The following TWIST2 variants were observed in gnomAD, a reference collection of about 807,000 sequenced individuals.
TWIST2 encodes the protein twist-related protein 2.
TWIST2 carries 1 observed loss-of-function variant against 11.6 expected under a neutral mutation model. The observed-to-expected ratio is 0.09, with a 90% CI of 0.03 to 0.41. TWIST2 has a LOEUF of 0.41. Ranked by LOEUF, TWIST2 falls within the 10% of genes least tolerant of loss-of-function variation. The pLI, the probability that TWIST2 is intolerant of heterozygous loss-of-function variation, is 0.98. For synonymous variants in TWIST2, 87 were observed against 96.6 expected, an observed-to-expected ratio of 0.90 and a Z score of 0.58; for missense variants, 168 against 226.4, an observed-to-expected ratio of 0.74 and a Z score of 1.66.
chr2:238,902,483 T>A (rs1693280445), intron 1 of TWIST2, among the ~76,000 whole-genome samples: 1 of 151,226 alleles, frequency 6.6e-6, no homozygotes, highest in Non-Finnish European at 1.5e-5. Context: ...GAGGTGTGTG[T>A]GTGATGTGGA....
chr2:238,872,440 A>C (rs1420248075), intron 1 of TWIST2, among the ~76,000 whole-genome samples: 1 of 152,172 alleles, frequency 6.6e-6, no homozygotes, highest in East Asian at 1.9e-4. Flanking sequence ...AGAAGGTTGA[A>C]TCCAAACCCT....
At chr2:238,850,269 C>G (rs1370183328) in intron 1 of TWIST2, among the ~76,000 whole-genome samples, 1 of 152,198 alleles carries the variant, frequency 6.6e-6, no homozygotes, top group Non-Finnish European at 1.5e-5. Flanking sequence ...GAAAGTGTCT[C>G]AATCACATAT....
chr2:238,899,735 CGACTT>C (rs1693245979), intron 1 of TWIST2, among the ~76,000 whole-genome samples: 1 of 152,160 alleles, frequency 6.6e-6, no homozygotes, highest in African/African-American at 2.4e-5. Context: ...TTTAAATACC[CGACTT>C]GACTTGATTT....
intron 1 of TWIST2, among the ~76,000 whole-genome samples, chr2:238,855,733 A>G (rs1288725365): frequency 6.6e-6 from 1 of 152,160 alleles, no homozygotes; most frequent in Non-Finnish European, 1.5e-5. Flanking sequence ...GAAGCCCACC[A>G]TCAGGTCCCG....
At chr2:238,855,614 TG>T (rs1229499801) in intron 1 of TWIST2, among the ~76,000 whole-genome samples, 4 of 152,196 alleles carry the variant, frequency 2.6e-5, no homozygotes, top group African/African-American at 4.8e-5. Flanking sequence ...CCCCCAAACC[TG>T]CATATACTCT....
At chr2:238,908,702 GTGTT>G (rs1465960328) in intron 1 of TWIST2, among the ~76,000 whole-genome samples, 2 of 139,052 alleles carry the variant, frequency 1.4e-5, no homozygotes, top group South Asian at 2.4e-4. Flanking sequence ...AGTATGCAGT[GTGTT>G]TGTGCTGTGC....
At chr2:238,862,927 G>A (rs544437849) in intron 1 of TWIST2, among the ~76,000 whole-genome samples, 1 of 152,254 alleles carries the variant, frequency 6.6e-6, no homozygotes. Flanking sequence ...ATCTCAGGTT[G>A]GAAGATCAAA....
chr2:238,905,890 CAT>C (rs1693336997), intron 1 of TWIST2, among the ~76,000 whole-genome samples: 38 of 119,694 alleles, frequency 3.2e-4, no homozygotes, highest in African/African-American at 1.1e-3. Context: ...CATGTGCGCG[CAT>C]GCGCGTGTGT....
intron 1 of TWIST2, among the ~76,000 whole-genome samples, chr2:238,898,797 C>A (rs959921961): frequency 6.6e-6 from 1 of 152,212 alleles, no homozygotes; most frequent in Non-Finnish European, 1.5e-5. Flanking sequence ...GGGGAGGCCC[C>A]GGGAGAAGTT....
intron 1 of TWIST2, among the ~76,000 whole-genome samples, chr2:238,882,372 G>A (rs755270044): frequency 1.3e-5 from 2 of 152,162 alleles, no homozygotes; most frequent in African/African-American, 2.4e-5. Flanking sequence ...CATTCAATAG[G>A]GTGGTGGCTG....
chr2:238,894,200 C>T (rs1693180565), intron 1 of TWIST2, among the ~76,000 whole-genome samples: 1 of 152,220 alleles, frequency 6.6e-6, no homozygotes, highest in Non-Finnish European at 1.5e-5. Context: ...CTGAAGCCCC[C>T]ACCCTCTTCC....
intron 1 of TWIST2, among the ~76,000 whole-genome samples, chr2:238,881,899 C>T (rs1692942979): frequency 6.6e-6 from 1 of 152,200 alleles, no homozygotes; most frequent in Admixed American, 6.5e-5. Flanking sequence ...GTTTTCCATC[C>T]ATGAGAGCCC....
chr2:238,882,441 G>A (rs570604901), intron 1 of TWIST2, among the ~76,000 whole-genome samples: 11 of 152,310 alleles, frequency 7.2e-5, no homozygotes, highest in African/African-American at 2.4e-4. Context: ...AAATGCAAAC[G>A]CCTTGTGTCC....
chr2:238,866,316 T>TAAG lies in TWIST2; in HGVS notation c.*35+17586_*35+17588dup, dbSNP rs1428895444. On this transcript the variant is annotated intron_variant, in intron 1 of 1. Coordinates refer to ENST00000612363, the MANE Select transcript of TWIST2 (RefSeq NM_001271893.4). The surrounding 1 kb of genome is among the most constrained non-coding windows in gnomAD (Gnocchi z 4.9). ...ACCCAGCACTTGGAGCAGTTGCCAGTAAGAACAGGGGTGAGGAGATGAGCA... is the reference window on the plus strand; with the variant it reads ...ACCCAGCACTTGGAGCAGTTGCCAGTAAGAAGAACAGGGGTGAGGAGATGAGCA... Among the ~76,000 whole-genome samples, 6 of 152,322 alleles carry TAAG rather than the reference T, an allele frequency of 3.9e-5. No homozygotes were observed. The highest frequency in any genetic ancestry group is 4.8e-5 in the African/African-American group (2 of 41,576).
At chr2:238,859,788 C>A (rs1486811985) in intron 1 of TWIST2, among the ~76,000 whole-genome samples, 3 of 152,100 alleles carry the variant, frequency 2.0e-5, no homozygotes, top group African/African-American at 7.2e-5. Flanking sequence ...TTTATTCACA[C>A]ACACACATGC....
chr2:238,855,005 A>G (rs577107716), intron 1 of TWIST2, among the ~76,000 whole-genome samples: 1 of 152,274 alleles, frequency 6.6e-6, no homozygotes, highest in Admixed American at 6.5e-5. Flanking sequence ...CGGAGTGGCA[A>G]GCTGGCTGCC....
chr2:238,899,039 G>T (rs961975567), intron 1 of TWIST2, among the ~76,000 whole-genome samples: 2 of 152,244 alleles, frequency 1.3e-5, no homozygotes, highest in Non-Finnish European at 2.9e-5. Context: ...GCTGCCCTCC[G>T]GCGTCTGACC....
At chr2:238,879,931 G>A (rs994800498) in intron 1 of TWIST2, among the ~76,000 whole-genome samples, 2 of 152,224 alleles carry the variant, frequency 1.3e-5, no homozygotes, top group African/African-American at 4.8e-5. Flanking sequence ...ACTGCCAGCT[G>A]GGGCATGGTT....
chr2:238,884,448 G>A (rs989320982), intron 1 of TWIST2, among the ~76,000 whole-genome samples: 4 of 152,238 alleles, frequency 2.6e-5, no homozygotes, highest in Non-Finnish European at 5.9e-5. Context: ...TCTTCTCCGT[G>A]TAGGGCTTCT....
Sources: allele counts gnomAD v4.1 joint callset (sites outside exome capture counted in the v4.1 genomes callset), GRCh38; gene constraint gnomAD v4.1.1; non-coding constraint Gnocchi (gnomAD v3.1); transcripts MANE v1.5; gene names NCBI Gene and HGNC (gene_info 2026-07-23, HGNC 2026-07-21).